The following FAM83A variants were observed in gnomAD, a reference collection of about 807,000 sequenced individuals.
FAM83A encodes protein FAM83A.
In FAM83A, 21 loss-of-function variants were observed where a neutral mutation model predicts 24.4. The observed-to-expected ratio is 0.86, with a 90% CI of 0.61 to 1.24. FAM83A has a LOEUF of 1.24. FAM83A is among the 50% of genes most tolerant of loss of function. FAM83A has a pLI of 0.00. For synonymous variants in FAM83A, 270 were observed against 252.4 expected (o/e 1.07, Z -0.66); for missense variants, 617 against 579.8 (o/e 1.06, Z -0.66).
exon 4 of FAM83A, chr8:123,208,466 G>C: frequency 6.1e-6 from 6 of 985,506 alleles, no homozygotes; most frequent in South Asian, 9.4e-5. Flanking sequence ...TCAGGGGCCA[G>C]GACTGGCCCC....
chr8:123,207,369 G>A, exon 4 of FAM83A: 2 of 1,611,388 alleles, frequency 1.2e-6, no homozygotes, highest in Non-Finnish European at 8.5e-7. Flanking sequence ...GCCAGTGACC[G>A]CACGTCCTCC....
At chr8:123,180,029 C>G (rs1187622967), upstream of FAM83A, 5 of 152,242 alleles carry the variant, frequency 3.3e-5, no homozygotes. Flanking sequence ...TACATGGGCT[C>G]TGCCATTTAC....
At chr8:123,203,586 CAAAAAAAAA>C (rs1187426797) in intron 3 of FAM83A, among the ~76,000 whole-genome samples, 187 of 41,178 alleles carry the variant, frequency 4.5e-3, no homozygotes, top group African/African-American at 0.012. Context: ...AGATCTGTCT[CAAAAAAAAA>C]AAAAAAAAAA....
At chr8:123,191,228 TC>T (rs1823962823) in intron 1 of FAM83A, among the ~76,000 whole-genome samples, 1 of 152,144 alleles carries the variant, frequency 6.6e-6, no homozygotes, top group Non-Finnish European at 1.5e-5. Context: ...AGAACTCCCC[TC>T]CCCAGTTTCT....
Position 123,209,415 on chromosome 8 carries a change from TTCC to T in FAM83A, c.*1732_*1734del, listed in dbSNP as rs769611856. 6.2e-7 allele frequency: 1 copy of T among 1,613,144 alleles called. No individual in the cohort carries two copies. The highest frequency in any genetic ancestry group is 1.3e-5 in the African/African-American group (1 of 75,018). ...TATTGTATTCCTGTCCTTCACTTTTTTCCTCCTTAGTTCCTGAAAGTAAACAAA... is the reference window on the plus strand; with the variant it reads ...TATTGTATTCCTGTCCTTCACTTTTTTCCTTAGTTCCTGAAAGTAAACAAA... On this transcript the variant is annotated 3_prime_UTR_variant, in exon 4 of 4. Transcript: ENST00000690554. This position sits in a 1 kb window ranked among gnomAD's most constrained non-coding sequence, Gnocchi z 4.7.
chr8:123,189,943 G>A (rs1823915216), intron 1 of FAM83A, among the ~76,000 whole-genome samples: 1 of 152,176 alleles, frequency 6.6e-6, no homozygotes, highest in Non-Finnish European at 1.5e-5. Context: ...TAACATGACT[G>A]TTAGTTTTTG....
In FAM83A at chr8:123,208,096, C is replaced by T. The variant is rs568420463; in HGVS notation, c.*408C>T. 18 of 1,013,596 alleles carry T rather than the reference C, an allele frequency of 1.8e-5. No individual in the cohort carries two copies. The African/African-American group carries it at 2.0e-4, about 12-fold the overall frequency. The allele number at this position is 1,013,596 out of a possible 1,614,324, so 62.8% of individuals were successfully genotyped here. On this transcript the variant is annotated 3_prime_UTR_variant, in exon 4 of 4. Coordinates refer to ENST00000690554, the Ensembl canonical transcript of FAM83A. ...AGAGATAGATGGTAGTTTGGTACTT[C>T]TGGTTCCCAGTGCCCAGGAATGGTC...
chr8:123,189,860 C>T (rs1252244178), intron 1 of FAM83A, among the ~76,000 whole-genome samples: 2 of 152,190 alleles, frequency 1.3e-5, no homozygotes, highest in African/African-American at 4.8e-5. Flanking sequence ...CGGGCATGTC[C>T]TCAACCTTGG....
At chr8:123,193,525 T>C (rs1824047133) in intron 2 of FAM83A, among the ~76,000 whole-genome samples, 2 of 152,224 alleles carry the variant, frequency 1.3e-5, no homozygotes, top group Non-Finnish European at 2.9e-5. Flanking sequence ...AATATTAATA[T>C]GGTCCAGAAT....
exon 4 of FAM83A, chr8:123,207,406 C>G: frequency 1.9e-6 from 3 of 1,610,830 alleles, no homozygotes; most frequent in Non-Finnish European, 2.5e-6. Context: ...GCTCGGCAGG[C>G]AGCCACCCCG....
At chr8:123,195,108 C>T (rs1279408335) in intron 3 of FAM83A, among the ~76,000 whole-genome samples, 1 of 152,052 alleles carries the variant, frequency 6.6e-6, no homozygotes, top group Non-Finnish European at 1.5e-5. Context: ...GAGGAACAGC[C>T]GAAGGTCATT....
chr8:123,191,967 C>A, exon 2 of FAM83A: 1 of 1,613,984 alleles, frequency 6.2e-7, no homozygotes, highest in Non-Finnish European at 8.5e-7. Context: ...ACAGTCACCT[C>A]AAGGTAGGGG....
intron 1 of FAM83A, among the ~76,000 whole-genome samples, chr8:123,189,980 G>A (rs1325020473): frequency 2.0e-5 from 3 of 152,042 alleles, no homozygotes; most frequent in Admixed American, 6.5e-5. Flanking sequence ...AATCATGTAC[G>A]GAATAATGAC....
chr8:123,206,974 C>T (rs1192204321), intron 3 of FAM83A, among the ~76,000 whole-genome samples, 183 bp from the exon 4 acceptor site: 7 of 135,116 alleles, frequency 5.2e-5, no homozygotes, highest in African/African-American at 8.3e-5. Flanking sequence ...TCCTCCTCCT[C>T]CCCTTCCCAC....
intron 1 of FAM83A, among the ~76,000 whole-genome samples, chr8:123,183,592 T>C (rs574021875): frequency 6.6e-6 from 1 of 152,194 alleles, no homozygotes; most frequent in Admixed American, 6.5e-5. Context: ...CTCTTCCATT[T>C]TGATCCCCAG....
intron 1 of FAM83A, among the ~76,000 whole-genome samples, chr8:123,188,790 C>CACCTTCA: frequency 6.6e-6 from 1 of 152,308 alleles, no homozygotes; most frequent in East Asian, 1.9e-4. Context: ...GCCTTCAACC[C>CACCTTCA]ACTATACCTT....
upstream of FAM83A, chr8:123,182,284 C>G (rs907675621): frequency 1.3e-5 from 5 of 373,076 alleles, no homozygotes; most frequent in Admixed American, 6.2e-5. Context: ...CTCCCTGGCC[C>G]GTGTCCAGCT....
At chr8:123,187,486 G>A (rs1196428931) in intron 1 of FAM83A, among the ~76,000 whole-genome samples, 2 of 152,136 alleles carry the variant, frequency 1.3e-5, no homozygotes, top group African/African-American at 4.8e-5. Flanking sequence ...GTGCCGCCCT[G>A]CTCACCACAT....
At chr8:123,200,482 C>T (rs1824312326) in intron 3 of FAM83A, among the ~76,000 whole-genome samples, 1 of 152,162 alleles carries the variant, frequency 6.6e-6, no homozygotes, top group South Asian at 2.1e-4. Context: ...GCAGAACTAA[C>T]ATTGCTGAAG....
Sources: allele counts gnomAD v4.1 joint callset (sites outside exome capture counted in the v4.1 genomes callset), GRCh38; gene constraint gnomAD v4.1.1; non-coding constraint Gnocchi (gnomAD v3.1); transcripts MANE v1.5; gene names NCBI Gene and HGNC (gene_info 2026-07-23, HGNC 2026-07-21).